Variants in WDFY3 observed in about 807,000 individuals in gnomAD.
The protein encoded by WDFY3 is WD repeat and FYVE domain-containing protein 3.
In WDFY3, 66 loss-of-function variants were observed where a neutral mutation model predicts 409.6. The observed-to-expected ratio is 0.16, with a 90% CI of 0.13 to 0.20. WDFY3 has a LOEUF of 0.20. Among genes scored for constraint, WDFY3 ranks in the 10% least tolerant of loss-of-function variants. The pLI, the probability that WDFY3 is intolerant of heterozygous loss-of-function variation, is 1.00. For synonymous variants in WDFY3, 1,521 were observed against 1,537.1 expected, an observed-to-expected ratio of 0.99 and a Z score of 0.25; for missense variants, 3,031 against 4,298.1, an observed-to-expected ratio of 0.71 and a Z score of 8.24.
intron 5 of WDFY3, among the ~76,000 whole-genome samples, chr4:84,843,138 G>A (rs944292688): frequency 1.3e-5 from 2 of 152,162 alleles, no homozygotes; most frequent in Non-Finnish European, 2.9e-5. Context: ...CCTTACAATA[G>A]TATAAGTTGA....
chr4:84,714,882 G>A (rs1341318889), intron 50 of WDFY3, among the ~76,000 whole-genome samples: 1 of 151,414 alleles, frequency 6.6e-6, no homozygotes, highest in African/African-American at 2.4e-5. Flanking sequence ...CCCGGGAGGC[G>A]GAGTTTGCAG....
At chr4:84,779,843 A>C (rs1390557785) in intron 26 of WDFY3, among the ~76,000 whole-genome samples, 3 of 152,212 alleles carry the variant, frequency 2.0e-5, no homozygotes, top group Non-Finnish European at 4.4e-5. Flanking sequence ...AAATAAATTC[A>C]ATGTATTAAA....
intron 12 of WDFY3, among the ~76,000 whole-genome samples, chr4:84,819,225 T>C (rs1753732356): frequency 6.6e-6 from 1 of 152,066 alleles, no homozygotes; most frequent in South Asian, 2.1e-4. Context: ...TACCTTAGCA[T>C]CTAGGTGTTA....
intron 40 of WDFY3, among the ~76,000 whole-genome samples, chr4:84,738,430 C>T (rs1051754009): frequency 6.6e-6 from 1 of 151,894 alleles, no homozygotes; most frequent in Non-Finnish European, 1.5e-5. Context: ...AATCCTGTCT[C>T]TACTAAAAAT....
Position 84,683,958 on chromosome 4 carries a change from T to G in WDFY3, c.9711A>C (p.Ser3237=). The change falls in exon 63 of 68, where the codon TCA becomes TCC. Residue 3237 remains serine (S), a synonymous_variant. Transcript: ENST00000295888. The stretch of plus-strand genomic sequence containing the variant: ...GTTCACTTACCCGAACCACTCCATC[T>G]GAGTGTCCTGTCACTATGACGTTCT... ...DTQNVIVTGH[S]DGVVRFWRME... is the part of the protein sequence containing the mutation. The G allele has an allele frequency of 6.3e-7, 1 of 1,599,028 alleles. No homozygotes were observed. The highest frequency in any genetic ancestry group is 8.6e-7 in the Non-Finnish European group (1 of 1,168,162).
intron 41 of WDFY3, among the ~76,000 whole-genome samples, chr4:84,736,578 A>C (rs923069833): frequency 6.6e-6 from 1 of 152,192 alleles, no homozygotes; most frequent in Non-Finnish European, 1.5e-5. Context: ...TGCAAATTTA[A>C]CTATAACGAG....
intron 2 of WDFY3, among the ~76,000 whole-genome samples, chr4:84,918,827 A>ATATATATATC (rs1768865540): frequency 7.4e-6 from 1 of 135,974 alleles, no homozygotes; most frequent in Non-Finnish European, 1.6e-5. Flanking sequence ...ATATATATAT[A>ATATATATATC]GATATATATA....
At chr4:84,749,068 G>A (rs1042774848) in intron 36 of WDFY3, among the ~76,000 whole-genome samples, 1 of 151,800 alleles carries the variant, frequency 6.6e-6, no homozygotes, top group African/African-American at 2.4e-5. Context: ...TAATTTTTTT[G>A]TAAAGATGGG....
Position 84,678,261 on chromosome 4 carries a change from T to C in WDFY3, c.10166A>G (p.Gln3389Arg). 1 of 1,614,056 alleles carries C rather than the reference T, an allele frequency of 6.2e-7. No homozygotes were observed. The highest frequency in any genetic ancestry group is 8.5e-7 in the Non-Finnish European group (1 of 1,179,956). ...AGTCAGCTTACTCCTGAACACCAGC[T>C]GCCGTTCCCATCGGTACCCTGGAAT... Reference protein sequence around the residue: ...RLKPGYRWERQLVFRSKLTMH... With the variant: ...RLKPGYRWERRLVFRSKLTMH... The change falls in exon 66 of 68, where the codon CAG becomes CGG. Residue 3389 changes from glutamine to arginine, a missense_variant. By Grantham distance (43) the Gln-to-Arg change is conservative (BLOSUM62 1). This residue lies in a region of WDFY3 where 378 missense variants were observed against 477.3 expected (regional missense o/e 0.79). Coordinates refer to ENST00000295888, the MANE Select transcript of WDFY3 (RefSeq NM_014991.6).
At chr4:84,677,116 A>G in intron 67 of WDFY3, 83 bp downstream of exon 67, 1 of 1,531,788 alleles carries the variant, frequency 6.5e-7, no homozygotes, top group South Asian at 1.2e-5. Context: ...ACGCCAGGGC[A>G]AATCAGAACC....
At chr4:84,775,238 T>C (rs1745353537) in intron 27 of WDFY3, 100 bp from the exon 28 acceptor site, 3 of 970,702 alleles carry the variant, frequency 3.1e-6, no homozygotes, top group South Asian at 1.7e-5. Flanking sequence ...ATTTCACTTA[T>C]ATAATTATTA....
At chr4:84,764,060 C>G (rs2149379434) in intron 32 of WDFY3, among the ~76,000 whole-genome samples, 1 of 152,200 alleles carries the variant, frequency 6.6e-6, no homozygotes, top group East Asian at 1.9e-4. Flanking sequence ...AACTTATATG[C>G]TATAAAATAT....
At chr4:84,717,599 T>G (rs1734149412) in intron 48 of WDFY3, among the ~76,000 whole-genome samples, 1 of 152,160 alleles carries the variant, frequency 6.6e-6, no homozygotes, top group African/African-American at 2.4e-5. Flanking sequence ...GCTTCTTAAC[T>G]TTCTTCTAGG....
chr4:84,880,725 A>ATATATATATG (rs1763416914), intron 3 of WDFY3, among the ~76,000 whole-genome samples: 1 of 87,366 alleles, frequency 1.1e-5, no homozygotes, highest in Non-Finnish European at 2.2e-5. Context: ...ATATATATAT[A>ATATATATATG]TGTTTTTTTG....
chr4:84,850,099 G>T, intron 4 of WDFY3, 74 bp from the exon 5 acceptor site: 1 of 1,470,640 alleles, frequency 6.8e-7, no homozygotes, highest in Non-Finnish European at 9.0e-7. Context: ...TTTCAAGTGT[G>T]GTATGACTTG....
chr4:84,889,651 C>T (rs921082514), intron 3 of WDFY3, among the ~76,000 whole-genome samples: 2 of 152,148 alleles, frequency 1.3e-5, no homozygotes, highest in South Asian at 4.1e-4. Context: ...CCTCCATTCA[C>T]TATCTATGTG....
chr4:84,831,174 G>A (rs1300908316), intron 8 of WDFY3, among the ~76,000 whole-genome samples: 10 of 128,610 alleles, frequency 7.8e-5, no homozygotes, highest in African/African-American at 2.5e-4. Context: ...GCGACAGAGT[G>A]AGACTCCATC....
chr4:84,794,399 G>A, intron 21 of WDFY3, 120 bp downstream of exon 21: 1 of 1,003,582 alleles, frequency 1.0e-6, no homozygotes, highest in East Asian at 2.6e-5. Flanking sequence ...TATGTAACTT[G>A]TTCTATGCTA....
intron 6 of WDFY3, among the ~76,000 whole-genome samples, chr4:84,839,287 T>C (rs1223924421): frequency 2.0e-5 from 3 of 152,226 alleles, no homozygotes; most frequent in Admixed American, 6.5e-5. Flanking sequence ...AATAAACATA[T>C]GCTATTCTAA....
Sources: gnomAD v4.1 joint callset for allele counts (sites outside exome capture counted in the v4.1 genomes callset) on GRCh38, gnomAD v4.1.1 for gene constraint, gnomAD v4.1.1 regional missense constraint, MANE v1.5 for transcripts, NCBI Gene and HGNC (gene_info 2026-07-23, HGNC 2026-07-21) for gene names.